Variants in CUBN observed in about 807,000 individuals in gnomAD.
The protein encoded by CUBN is 460 kDa receptor.
CUBN carries 282 observed loss-of-function variants against 405.3 expected under a neutral mutation model. The ratio of observed to expected loss-of-function variants is 0.70; its 90% confidence interval spans 0.63 to 0.77. CUBN has a LOEUF of 0.77. Ranked by LOEUF, CUBN falls within the 30% of genes least tolerant of loss-of-function variation. The probability of loss-of-function intolerance (pLI) is 0.00; values close to 1 mark genes in which losing one functional copy is unlikely to be tolerated. For synonymous variants in CUBN, 1,684 were observed against 1,617.0 expected, an observed-to-expected ratio of 1.04 and a Z score of -0.99; for missense variants, 4,514 against 4,475.2, an observed-to-expected ratio of 1.01 and a Z score of -0.25.
At chr10:16,875,937 G>A (rs1840486158) in intron 57 of CUBN, among the ~76,000 whole-genome samples, 1 of 152,186 alleles carries the variant, frequency 6.6e-6, no homozygotes, top group African/African-American at 2.4e-5. Context: ...AACGTTAATT[G>A]CGTGGTTCTA....
intron 25 of CUBN, among the ~76,000 whole-genome samples, chr10:17,044,523 T>C (rs1480419551): frequency 1.3e-5 from 2 of 152,110 alleles, no homozygotes; most frequent in East Asian, 3.8e-4. Flanking sequence ...CCACAGCTGA[T>C]GTCAACTGTC....
Position 17,084,478 on chromosome 10 carries a change from G to C in CUBN, c.2111-17C>G, listed in dbSNP as rs753401071. 6.2e-7 allele frequency: 1 copy of C among 1,609,960 alleles called. No individual in the cohort carries two copies. The highest frequency in any genetic ancestry group is 1.7e-5 in the Admixed American group (1 of 59,544). ...GCAGATCCGCTAAGAACAGGGAAGAGACGAACAGGTCATGGCAATGGCATT... is the reference window on the plus strand; with the variant it reads ...GCAGATCCGCTAAGAACAGGGAAGACACGAACAGGTCATGGCAATGGCATT... On this transcript the variant is annotated splice_polypyrimidine_tract_variant and intron_variant, in intron 16 of 66. Coordinates refer to ENST00000377833, the MANE Select transcript of CUBN (RefSeq NM_001081.4).
At chr10:16,836,407 A>G (rs1385240816) in intron 62 of CUBN, 25 bp from the exon 63 acceptor site, 1 of 1,610,190 alleles carries the variant, frequency 6.2e-7, no homozygotes, top group Admixed American at 1.7e-5. Context: ...GAGCCAAATC[A>G]TGTTAGATTT....
intron 27 of CUBN, among the ~76,000 whole-genome samples, chr10:17,025,579 C>G (rs1834638490): frequency 5.9e-5 from 9 of 152,228 alleles, no homozygotes; most frequent in Admixed American, 5.9e-4. Flanking sequence ...AATTGTTACT[C>G]TAACTCTTTG....
At chr10:16,967,808 AAGG>A (rs1396945109) in intron 31 of CUBN, among the ~76,000 whole-genome samples, 5 of 147,368 alleles carry the variant, frequency 3.4e-5, no homozygotes, top group African/African-American at 1.3e-4. Flanking sequence ...AGAGAGAAAG[AAGG>A]AGAGACAGAG....
intron 35 of CUBN, 147 bp downstream of exon 35, chr10:16,948,331 A>G (rs527993299): frequency 1.0e-6 from 1 of 974,358 alleles, no homozygotes; most frequent in African/African-American, 1.6e-5. Context: ...CAACACGATC[A>G]CTTAATTGGG....
rs1253909347 is a variant in CUBN at position 16,899,117 on chromosome 10, G to A, written c.8477C>T (p.Pro2826Leu). ...CGTCCAGGAACATCTGCTGTTTTCG[G>A]GAAAATTCTGAGGCCAGTGAGGGGA... ...IRSPHWPQNF[P>L]ENSRCSWTAI... Residue 2826 changes from proline to leucine, a missense_variant, in exon 54 of 67, where the codon CCC becomes CTC. Physicochemically the swap from Pro to Leu is moderately conservative, Grantham distance 98 (BLOSUM62 -3). Coordinates refer to ENST00000377833, the MANE Select transcript of CUBN (RefSeq NM_001081.4). The A allele has an allele frequency of 6.2e-7, 1 of 1,613,906 alleles. No individual in the cohort carries two copies. The highest frequency in any genetic ancestry group is 2.2e-5 in the East Asian group (1 of 44,876).
At chr10:17,000,079 T>A (rs1032668640) in intron 28 of CUBN, among the ~76,000 whole-genome samples, 1 of 152,272 alleles carries the variant, frequency 6.6e-6, no homozygotes, top group Non-Finnish European at 1.5e-5. Context: ...CCAGCCAGCC[T>A]GGGTCCTTAG....
At chr10:17,023,587 C>T (rs1005252063) in intron 27 of CUBN, 5 of 455,742 alleles carry the variant, frequency 1.1e-5, no homozygotes, top group Admixed American at 2.4e-5. Context: ...GATTCTGATT[C>T]TGTTTTCAGA....
At chr10:17,115,370 C>G in intron 7 of CUBN, 101 bp downstream of exon 7, 1 of 1,490,580 alleles carries the variant, frequency 6.7e-7, no homozygotes, top group Admixed American at 1.7e-5. Context: ...GACTTCACCT[C>G]TGTAAGCTCC....
rs1840573516 is a variant in CUBN at position 16,878,334 on chromosome 10, C to A, written c.8906-1237G>T. Among the ~76,000 whole-genome samples the A allele has an allele frequency of 3.3e-5, 5 of 152,160 alleles. No individual in the cohort carries two copies. The South Asian group carries it at 1.0e-3, about 32-fold the overall frequency. ...TATTATGAAAGGAAAGGAAAAAAAC[C>A]AGCCTAACTTTTGCACCAACATAAT... On this transcript the variant is annotated intron_variant, in intron 56 of 66. Coordinates refer to ENST00000377833, the MANE Select transcript of CUBN (RefSeq NM_001081.4).
chr10:16,950,267 GATA>G (rs1364090763), intron 33 of CUBN, among the ~76,000 whole-genome samples, 156 bp from the exon 34 acceptor site: 8 of 152,242 alleles, frequency 5.3e-5, no homozygotes, highest in Admixed American at 2.6e-4. Context: ...AATTGTAGTC[GATA>G]ATAACTTATT....
chr10:17,022,007 A>G (rs537912385), intron 27 of CUBN, among the ~76,000 whole-genome samples: 119 of 152,198 alleles, frequency 7.8e-4, no homozygotes, highest in African/African-American at 2.8e-3. Flanking sequence ...CGCCAGCTGT[A>G]TTTATTTTAC....
intron 2 of CUBN, 65 bp from the exon 3 acceptor site, chr10:17,127,989 T>C (rs1837239242): frequency 1.7e-6 from 2 of 1,148,650 alleles, no homozygotes; most frequent in Non-Finnish European, 2.6e-6. Flanking sequence ...ATCTTTACAG[T>C]AACATAATTA....
chr10:16,858,807 C>T (rs1839935735), intron 59 of CUBN, among the ~76,000 whole-genome samples: 1 of 152,130 alleles, frequency 6.6e-6, no homozygotes, highest in Non-Finnish European at 1.5e-5. Context: ...ATACAGAACC[C>T]AGAAATAGAC....
chr10:16,865,880 A>G (rs1840170000), intron 59 of CUBN, among the ~76,000 whole-genome samples: 1 of 152,136 alleles, frequency 6.6e-6, no homozygotes, highest in Admixed American at 6.5e-5. Context: ...TGCCAATTTT[A>G]AGAGCTGTAA....
intron 36 of CUBN, among the ~76,000 whole-genome samples, chr10:16,942,103 C>T (rs1360166479): frequency 6.6e-6 from 1 of 152,092 alleles, no homozygotes; most frequent in African/African-American, 2.4e-5. Context: ...AACTTAAATA[C>T]CACAGTCAGA....
At chr10:17,035,451 G>A (rs1056167247) in intron 27 of CUBN, among the ~76,000 whole-genome samples, 2 of 152,150 alleles carry the variant, frequency 1.3e-5, no homozygotes, top group Admixed American at 1.3e-4. Context: ...GTAGAAACAT[G>A]CCTAGTTTGA....
chr10:16,906,435 AAGT>A, intron 49 of CUBN, 26 bp from the exon 50 acceptor site: 1 of 1,502,076 alleles, frequency 6.7e-7, no homozygotes. Flanking sequence ...GCAACAGAGA[AAGT>A]AGTAGTAAGA....
Sources: allele counts gnomAD v4.1 joint callset (sites outside exome capture counted in the v4.1 genomes callset), GRCh38; gene constraint gnomAD v4.1.1; transcripts MANE v1.5; gene names NCBI Gene and HGNC (gene_info 2026-07-23, HGNC 2026-07-21).